The following ASPRV1 variants were observed in gnomAD, a reference collection of about 807,000 sequenced individuals.
The protein encoded by ASPRV1 is retroviral-like aspartic protease 1.
A neutral mutation model predicts 11.0 loss-of-function variants in ASPRV1; 7 were observed. That is an observed-to-expected ratio of 0.64 (90% confidence interval 0.36 to 1.20). The LOEUF (loss-of-function observed/expected upper bound fraction) is 1.20, where lower values mean the gene tolerates loss of function less well. Among genes scored for constraint, ASPRV1 ranks in the 50% most tolerant of loss-of-function variants. The pLI, the probability that ASPRV1 is intolerant of heterozygous loss-of-function variation, is 0.02. For synonymous variants in ASPRV1, 136 were observed against 138.4 expected, an observed-to-expected ratio of 0.98 and a Z score of 0.12; for missense variants, 299 against 320.0, an observed-to-expected ratio of 0.93 and a Z score of 0.50.
At chr2:70,014,982 T>C in the ASPRV1 span, among the ~76,000 whole-genome samples, 2 of 152,166 alleles carry the variant, frequency 1.3e-5, no homozygotes, top group African/African-American at 2.4e-5. Context: ...GGACTTTGAA[T>C]AGTCTCCAAA....
chr2:70,031,800 G>A, the ASPRV1 span: 1 of 152,240 alleles, frequency 6.6e-6, no homozygotes, highest in African/African-American at 2.4e-5. Context: ...ATGTCATGTG[G>A]CCTTCATCTT....
chr2:69,958,354 C>T (rs1677986752), downstream of ASPRV1, among the ~76,000 whole-genome samples: 1 of 152,156 alleles, frequency 6.6e-6, no homozygotes, highest in South Asian at 2.1e-4. Context: ...GGAGAGAAAA[C>T]TGGCTGAGAG....
chr2:70,012,584 C>T, the ASPRV1 span, among the ~76,000 whole-genome samples: 1 of 152,132 alleles, frequency 6.6e-6, no homozygotes, highest in Admixed American at 6.6e-5. Context: ...GAAGAGGCAC[C>T]AAACTGCACC....
chr2:70,029,717 T>G, the ASPRV1 span, among the ~76,000 whole-genome samples: 2 of 152,144 alleles, frequency 1.3e-5, no homozygotes, highest in Non-Finnish European at 2.9e-5. Flanking sequence ...CTTGGCCACT[T>G]TGCTTGTCAG....
At chr2:70,040,446 A>C in the ASPRV1 span, among the ~76,000 whole-genome samples, 1 of 152,164 alleles carries the variant, frequency 6.6e-6, no homozygotes, top group South Asian at 2.1e-4. Context: ...GCCGGAGTGC[A>C]ATGGCCTGAT....
the ASPRV1 span, among the ~76,000 whole-genome samples, chr2:70,082,820 G>A: frequency 1.3e-5 from 2 of 152,194 alleles, no homozygotes; most frequent in African/African-American, 2.4e-5. Flanking sequence ...CTTGAGCCTG[G>A]GGGATAGAGG....
the ASPRV1 span, chr2:70,087,226 A>G: frequency 6.6e-6 from 1 of 152,210 alleles, no homozygotes; most frequent in African/African-American, 2.4e-5. Context: ...GTCACCCGCC[A>G]GTGCCGTTAG....
At chr2:70,036,579 T>G in the ASPRV1 span, among the ~76,000 whole-genome samples, 1 of 152,124 alleles carries the variant, frequency 6.6e-6, no homozygotes, top group Non-Finnish European at 1.5e-5. Context: ...AAATTGGAAG[T>G]GTACACATAA....
At chr2:70,070,926 T>C in the ASPRV1 span, 1 of 152,192 alleles carries the variant, frequency 6.6e-6, no homozygotes, top group Non-Finnish European at 1.5e-5. Context: ...CCAGATGACT[T>C]CGAATGGCCT....
At chr2:70,021,699 TAA>T in the ASPRV1 span, among the ~76,000 whole-genome samples, 9 of 151,484 alleles carry the variant, frequency 5.9e-5, no homozygotes, top group Admixed American at 5.3e-4. Context: ...TAAAATACGT[TAA>T]GAGAATACTT....
the ASPRV1 span, chr2:70,045,291 T>C: frequency 3.3e-5 from 5 of 152,234 alleles, no homozygotes; most frequent in South Asian, 2.1e-4. Context: ...CTGTGTGACC[T>C]TGGGCAAGTT....
At chr2:69,941,657 C>G in the ASPRV1 span, 4 of 152,106 alleles carry the variant, frequency 2.6e-5, no homozygotes, top group Non-Finnish European at 5.9e-5. Flanking sequence ...CCTGAGTTTC[C>G]TATGGGCCTC....
chr2:70,013,456 A>G, the ASPRV1 span, among the ~76,000 whole-genome samples: 3 of 152,244 alleles, frequency 2.0e-5, no homozygotes, highest in Non-Finnish European at 2.9e-5. Flanking sequence ...CAACATACAC[A>G]ACAGACTGAA....
the ASPRV1 span, among the ~76,000 whole-genome samples, chr2:70,084,710 A>G: frequency 6.3e-3 from 965 of 152,328 alleles, 8 homozygotes; most frequent in African/African-American, 0.022. Flanking sequence ...ATTTTGTTAC[A>G]TATGTGTGCA....
the ASPRV1 span, among the ~76,000 whole-genome samples, chr2:70,082,513 C>G: frequency 2.6e-5 from 4 of 152,088 alleles, no homozygotes; most frequent in Non-Finnish European, 5.9e-5. Context: ...GAGTTCGAGG[C>G]CAGCCTGACC....
upstream of ASPRV1, chr2:69,961,673 C>T (rs1279942182): frequency 2.6e-6 from 4 of 1,542,726 alleles, no homozygotes; most frequent in Non-Finnish European, 3.5e-6. Flanking sequence ...CCTAGGCTGG[C>T]CCCTGGGCTC....
chr2:70,077,336 C>T, the ASPRV1 span: 1 of 152,096 alleles, frequency 6.6e-6, no homozygotes, highest in Admixed American at 6.6e-5. Flanking sequence ...GGGAGTGGGG[C>T]TGCAGTCTTT....
the ASPRV1 span, among the ~76,000 whole-genome samples, chr2:69,970,285 C>A: frequency 6.9e-4 from 105 of 152,266 alleles, no homozygotes; most frequent in African/African-American, 2.3e-3. Flanking sequence ...CATTAATCCA[C>A]CCTCCTCAGG....
upstream of ASPRV1, among the ~76,000 whole-genome samples, chr2:69,966,127 T>G (rs974071928): frequency 2.6e-5 from 4 of 152,216 alleles, no homozygotes; most frequent in Non-Finnish European, 5.9e-5. Flanking sequence ...CCAGTGCCAT[T>G]GCAAGCCTCC....
Sources: allele counts gnomAD v4.1 joint callset (sites outside exome capture counted in the v4.1 genomes callset), GRCh38; gene constraint gnomAD v4.1.1; transcripts MANE v1.5; gene names NCBI Gene and HGNC (gene_info 2026-07-23, HGNC 2026-07-21).